The following NBN variants were observed in gnomAD, a reference collection of about 807,000 sequenced individuals.
The protein encoded by NBN is Nijmegen breakage syndrome 1 (nibrin).
NBN carries 88 observed loss-of-function variants against 90.8 expected under a neutral mutation model. The ratio of observed to expected loss-of-function variants is 0.97; its 90% confidence interval spans 0.82 to 1.16. The LOEUF is 1.16. Among genes scored for constraint, NBN ranks in the 50% most tolerant of loss-of-function variants. The probability of loss-of-function intolerance (pLI) is 0.00; values close to 1 mark genes in which losing one functional copy is unlikely to be tolerated. For missense variants in NBN, 894 were observed against 869.6 expected, an observed-to-expected ratio of 1.03 and a Z score of -0.35; for synonymous variants, 328 against 295.1, an observed-to-expected ratio of 1.11 and a Z score of -1.14.
At chr8:89,961,054 T>C (rs1810969537) in intron 8 of NBN, among the ~76,000 whole-genome samples, 1 of 152,208 alleles carries the variant, frequency 6.6e-6, no homozygotes, top group Non-Finnish European at 1.5e-5. Context: ...TAGGAAATAA[T>C]ACATCAGAAA....
At chr8:89,948,046 T>C in intron 11 of NBN, 154 bp from the exon 12 acceptor site, 1 of 155,126 alleles carries the variant, frequency 6.4e-6, no homozygotes, top group African/African-American at 2.4e-5. Flanking sequence ...CATTTGGCTT[T>C]CAACTGTCTT....
chr8:89,953,529 A>T lies in NBN; in HGVS notation c.1560T>A (p.Asn520Lys). The change falls in exon 11 of 16, where the codon AAT becomes AAA. Residue 520 changes from asparagine to lysine, a missense_variant. Asn to Lys is a moderately conservative substitution (Grantham distance 94, BLOSUM62 0). Coordinates refer to ENST00000265433, the MANE Select transcript of NBN (RefSeq NM_002485.5). ...ENEPVDTNSDNNLFTDTDLKS... is the reference protein window; with the variant it reads ...ENEPVDTNSDKNLFTDTDLKS... Reference sequence around the variant, plus strand: ...TTAAATCTGTATCTGTAAATAAGTTATTGTCTGAGTTTGTGTCCACAGGCT... The same window carrying T: ...TTAAATCTGTATCTGTAAATAAGTTTTTGTCTGAGTTTGTGTCCACAGGCT... 1 of 1,613,752 alleles carries T rather than the reference A, an allele frequency of 6.2e-7. No homozygotes were observed. Among genetic ancestry groups the T allele is most frequent in the Non-Finnish European group, 8.5e-7 (1 of 1,179,792 alleles).
chr8:89,975,788 A>G (rs776563386), intron 5 of NBN, among the ~76,000 whole-genome samples: 1 of 152,238 alleles, frequency 6.6e-6, no homozygotes, highest in Non-Finnish European at 1.5e-5. Flanking sequence ...ACCATGAAAT[A>G]TATCTACTAG....
chr8:89,968,150 T>C (rs1811335946), intron 7 of NBN, among the ~76,000 whole-genome samples: 3 of 152,202 alleles, frequency 2.0e-5, no homozygotes, highest in East Asian at 1.9e-4. Flanking sequence ...TCCCAGCTAC[T>C]TGGGAGGCTG....
intron 2 of NBN, 131 bp from the exon 3 acceptor site, chr8:89,981,654 T>A: frequency 1.1e-6 from 1 of 926,588 alleles, no homozygotes; most frequent in Non-Finnish European, 1.6e-6. Flanking sequence ...AATTACTGCT[T>A]CGGTTGCCTT....
intron 14 of NBN, among the ~76,000 whole-genome samples, chr8:89,941,018 GT>G (rs1418252196): frequency 6.6e-6 from 1 of 152,104 alleles, no homozygotes; most frequent in Non-Finnish European, 1.5e-5. Context: ...CACCTGAAAT[GT>G]AAAATTTTGA....
intron 14 of NBN, among the ~76,000 whole-genome samples, chr8:89,942,064 T>C (rs72561475): frequency 6.4e-4 from 98 of 152,276 alleles, no homozygotes; most frequent in African/African-American, 1.8e-3. Context: ...TTAATGTCTA[T>C]ACGGGGTATG....
chr8:89,984,202 G>A, intron 1 of NBN: 1 of 461,786 alleles, frequency 2.2e-6, no homozygotes, highest in East Asian at 3.8e-5. Context: ...GCCTGCTGCC[G>A]CTTACCCGCA....
intron 9 of NBN, among the ~76,000 whole-genome samples, chr8:89,957,361 C>T (rs986643214): frequency 1.3e-4 from 20 of 152,164 alleles, no homozygotes; most frequent in African/African-American, 4.6e-4. Context: ...AAAACCTTAT[C>T]GAATAATATG....
intron 14 of NBN, among the ~76,000 whole-genome samples, chr8:89,938,077 C>T (rs1464824937): frequency 3.9e-5 from 6 of 152,088 alleles, no homozygotes; most frequent in Non-Finnish European, 8.8e-5. Context: ...AAAATAATGC[C>T]TGCTGTGAAG....
At chr8:89,984,424 C>G (rs1049062648) in intron 1 of NBN, 101 bp downstream of exon 1, 2 of 1,132,302 alleles carry the variant, frequency 1.8e-6, no homozygotes, top group Non-Finnish European at 2.6e-6. Context: ...CCGCAGCGTC[C>G]CCGGGCAGGA....
chr8:89,941,794 A>G (rs953579812), intron 14 of NBN, among the ~76,000 whole-genome samples: 4 of 152,226 alleles, frequency 2.6e-5, no homozygotes, highest in Non-Finnish European at 4.4e-5. Context: ...CAAAAAAGAA[A>G]AGGAGAAAGG....
chr8:89,949,732 G>C (rs148416713), intron 11 of NBN, among the ~76,000 whole-genome samples: 2 of 152,268 alleles, frequency 1.3e-5, no homozygotes, highest in South Asian at 4.1e-4. Flanking sequence ...GTGCCTTTCT[G>C]AAATATAGCT....
rs749857140 is a variant in NBN, at chr8:89,964,502, C to T, written c.902G>A (p.Gly301Asp). Reference sequence around the variant, plus strand: ...TTCTGCTTCAGGAATAGGTCTAAGACCTTGCCTATTAGAATAAAATAGTTT... The same window carrying T: ...TTCTGCTTCAGGAATAGGTCTAAGATCTTGCCTATTAGAATAAAATAGTTT... Reference protein sequence around the residue: ...QSIMDMLQRQGLRPIPEAEIG... With the variant: ...QSIMDMLQRQDLRPIPEAEIG... Residue 301 changes from glycine to aspartate, a missense_variant, in exon 8 of 16, where the codon GGT becomes GAT. Transcript: ENST00000265433. 2 of 1,589,752 alleles carry T rather than the reference C, an allele frequency of 1.3e-6. No homozygotes were observed. The highest frequency in any genetic ancestry group is 2.2e-5 in the East Asian group (1 of 44,690).
At chr8:89,971,679 T>A (rs1185776314) in intron 5 of NBN, among the ~76,000 whole-genome samples, 1 of 152,218 alleles carries the variant, frequency 6.6e-6, no homozygotes. Flanking sequence ...CCAATATCTA[T>A]TAAAACGCTC....
At chr8:89,978,996 G>A (rs1217666646) in intron 4 of NBN, among the ~76,000 whole-genome samples, 1 of 152,062 alleles carries the variant, frequency 6.6e-6, no homozygotes, top group African/African-American at 2.4e-5. Context: ...TTTTATTTTT[G>A]AGACAGGGTC....
rs757753217 is a variant in NBN at position 89,946,221 on chromosome 8, C to T, written c.1989G>A (p.Val663=). The T allele has an allele frequency of 1.3e-6, 2 of 1,593,272 alleles. No individual in the cohort carries two copies. The highest frequency in any genetic ancestry group is 1.1e-5 in the South Asian group (1 of 90,572). ...GATTTCTGGAAGTAGAGTTTTTAAT[C>T]ACCAGTGATCTAAATTCAGTCAATA... ...KLLLTEFRSL[V]IKNSTSRNPS... The change falls in exon 13 of 16, where the codon GTG becomes GTA. Residue 663 remains valine, a synonymous_variant. Coordinates refer to ENST00000265433, the MANE Select transcript of NBN (RefSeq NM_002485.5).
At chr8:89,946,524 A>C in intron 12 of NBN, 1 of 465,244 alleles carries the variant, frequency 2.1e-6, no homozygotes, top group Non-Finnish European at 3.8e-6. Flanking sequence ...TAACATACTC[A>C]TCTGTGACAG....
chr8:89,964,014 C>A (rs917594701), intron 8 of NBN, among the ~76,000 whole-genome samples: 1 of 152,180 alleles, frequency 6.6e-6, no homozygotes, highest in African/African-American at 2.4e-5. Context: ...ATTCAGGACA[C>A]ATGGCTCAAA....
Sources: allele counts gnomAD v4.1 joint callset (sites outside exome capture counted in the v4.1 genomes callset), GRCh38; gene constraint gnomAD v4.1.1; transcripts MANE v1.5; gene names NCBI Gene and HGNC (gene_info 2026-07-23, HGNC 2026-07-21).